Variants in HYDIN observed in about 807,000 individuals in gnomAD.
HYDIN encodes axonemal central pair apparatus protein HYDIN.
A neutral mutation model predicts 403.9 loss-of-function variants in HYDIN; 132 were observed. The observed-to-expected ratio is 0.33, with a 90% CI of 0.28 to 0.38. HYDIN has a LOEUF of 0.38. HYDIN is among the 10% of genes least tolerant of loss of function. The probability of loss-of-function intolerance (pLI) is 1.00; values close to 1 mark genes in which losing one functional copy is unlikely to be tolerated. For missense variants in HYDIN, 2,827 were observed against 5,009.5 expected, an observed-to-expected ratio of 0.56 and a Z score of 13.15; for synonymous variants, 1,202 against 1,891.7, an observed-to-expected ratio of 0.64 and a Z score of 9.46.
At chr16:70,848,262 T>C (rs868161015) in intron 75 of HYDIN, among the ~76,000 whole-genome samples, 1 of 149,836 alleles carries the variant, frequency 6.7e-6, no homozygotes, top group African/African-American at 2.5e-5. Context: ...TGGTGTCCTA[T>C]AGTTCTTTGA....
intron 25 of HYDIN, among the ~76,000 whole-genome samples, chr16:70,989,319 T>G (rs1006989273): frequency 1.1e-4 from 17 of 152,162 alleles, no homozygotes; most frequent in African/African-American, 4.1e-4. Context: ...GTTACAGGCG[T>G]GAACCACTGT....
At chr16:71,178,860 T>C in intron 4 of HYDIN, 68 bp downstream of exon 4, 3 of 1,325,846 alleles carry the variant, frequency 2.3e-6, no homozygotes, top group Middle Eastern at 3.8e-4. Flanking sequence ...TCCCTCAAGA[T>C]CTCATTTTAC....
intron 31 of HYDIN, 47 bp from the exon 32 acceptor site, chr16:70,974,717 C>G (rs2078838279): frequency 1.4e-6 from 1 of 740,674 alleles, no homozygotes; most frequent in South Asian, 1.9e-5. Context: ...ACCTGGAAGG[C>G]TACTTTTCCA....
intron 10 of HYDIN, among the ~76,000 whole-genome samples, chr16:71,094,579 C>G (rs1210709640): frequency 6.6e-6 from 1 of 152,166 alleles, no homozygotes; most frequent in African/African-American, 2.4e-5. Context: ...CTGAGATCTC[C>G]AGAAATTTTA....
chr16:71,139,277 G>T (rs56667773), intron 7 of HYDIN, among the ~76,000 whole-genome samples: 13,634 of 150,880 alleles, frequency 0.09, 1,976 homozygotes, highest in African/African-American at 0.31. Flanking sequence ...TCAATTTTTT[G>T]GGGGGGGAAA....
Position 71,016,440 on chromosome 16 carries a change from C to A in HYDIN, c.3644+1689G>T, listed in dbSNP as rs368959849. ...AGATATCACCTCATACCTGTTAGGA[C>A]GGCTGTTACTAAAGAAACAATAAAC... On this transcript the variant is annotated intron_variant, in intron 23 of 85. Transcript: ENST00000393567. 7.3e-5 allele frequency among the ~76,000 whole-genome samples: 11 copies of A among 151,584 alleles called. No individual in the cohort carries two copies. The East Asian group carries it at 1.2e-3, about 16-fold the overall frequency.
chr16:71,125,557 T>C lies in HYDIN; in HGVS notation c.1227+4083A>G, dbSNP rs560047433. Among the ~76,000 whole-genome samples the C allele has an allele frequency of 4.8e-4, 73 of 152,190 alleles. No individual in the cohort carries two copies. The East Asian group carries it at 0.013, about 26-fold the overall frequency. On this transcript the variant is annotated intron_variant, in intron 9 of 85. Coordinates refer to ENST00000393567, the MANE Select transcript of HYDIN (RefSeq NM_001270974.2). ...ATACCCTGTTTGTGTACAAGGCAAC[T>C]GAAGCCAAGGAAGATCAAATGGCTT...
intron 1 of HYDIN, among the ~76,000 whole-genome samples, chr16:71,227,780 T>C (rs2041104316): frequency 6.6e-6 from 1 of 152,196 alleles, no homozygotes; most frequent in Non-Finnish European, 1.5e-5. Context: ...AAGCTACCAA[T>C]GACTTTATTC....
At chr16:71,202,245 A>G (rs929530461) in intron 1 of HYDIN, among the ~76,000 whole-genome samples, 1 of 152,116 alleles carries the variant, frequency 6.6e-6, no homozygotes, top group Non-Finnish European at 1.5e-5. Flanking sequence ...TATACACACC[A>G]CTTAAGCTAA....
At chr16:70,888,307 A>G (rs543226582) in intron 58 of HYDIN, among the ~76,000 whole-genome samples, 32 of 152,234 alleles carry the variant, frequency 2.1e-4, no homozygotes, top group Non-Finnish European at 4.1e-4. Flanking sequence ...GTGTTATGCT[A>G]TGAGACTTGG....
At chr16:70,954,810 C>T (rs1242350467) in intron 40 of HYDIN, among the ~76,000 whole-genome samples, 1 of 152,194 alleles carries the variant, frequency 6.6e-6, no homozygotes, top group South Asian at 2.1e-4. Flanking sequence ...TTTCCTTGAA[C>T]ATAAAACTCA....
chr16:70,996,154 G>T (rs1360958853), intron 23 of HYDIN, among the ~76,000 whole-genome samples: 10 of 151,954 alleles, frequency 6.6e-5, no homozygotes, highest in Non-Finnish European at 1.3e-4. Context: ...AGGCAGAGGT[G>T]AGACTTCTGA....
intron 3 of HYDIN, among the ~76,000 whole-genome samples, chr16:71,183,931 A>G (rs1468229363): frequency 2.6e-5 from 4 of 152,156 alleles, no homozygotes; most frequent in Non-Finnish European, 4.4e-5. Flanking sequence ...AACTCCTCAT[A>G]GCCTGTTATG....
In HYDIN at chr16:71,020,308, T is replaced by C. The variant is rs1189504313; in HGVS notation, c.3196A>G (p.Ser1066Gly). The change falls in exon 22 of 86, where the codon AGT (serine) becomes GGT (glycine). Residue 1066 changes from serine to glycine, a missense_variant. Physicochemically the swap from Ser to Gly is moderately conservative, Grantham distance 56 (BLOSUM62 0). Coordinates refer to ENST00000393567, the MANE Select transcript of HYDIN (RefSeq NM_001270974.2). ...LIYRLEKKPN[S>G]ILKPDYQPLA... ...GGCTGGTAATCAGGTTTCAGGATAC[T>C]GTTAGGTTTCTGCAAAAACAGAAAA... is the stretch of plus-strand genomic sequence containing the variant. 3 of 1,612,850 alleles carry C rather than the reference T, an allele frequency of 1.9e-6. No homozygotes were observed. The highest frequency in any genetic ancestry group is 1.6e-4 in the Middle Eastern group (1 of 6,078).
chr16:71,115,253 T>C (rs1194232418), intron 10 of HYDIN, among the ~76,000 whole-genome samples: 1 of 152,180 alleles, frequency 6.6e-6, no homozygotes, highest in Admixed American at 6.5e-5. Context: ...TATAAGGGGC[T>C]CTTTCCTCCT....
intron 58 of HYDIN, among the ~76,000 whole-genome samples, chr16:70,887,690 CTT>C (rs201257084): frequency 7.1e-6 from 1 of 140,682 alleles, no homozygotes. Flanking sequence ...CTTTTCTTTT[CTT>C]TTTTTTTTTG....
intron 1 of HYDIN, among the ~76,000 whole-genome samples, chr16:71,225,237 C>T (rs1202853130): frequency 6.6e-6 from 1 of 152,154 alleles, no homozygotes; most frequent in Non-Finnish European, 1.5e-5. Context: ...TATCCAGTTG[C>T]AGGTTTTTCG....
At chr16:70,811,805 C>T (rs1040973132) in intron 84 of HYDIN, among the ~76,000 whole-genome samples, 4 of 149,460 alleles carry the variant, frequency 2.7e-5, no homozygotes, top group Admixed American at 6.7e-5. Context: ...TGTGGTGAGC[C>T]GAGATCACGC....
chr16:71,188,777 T>C lies in HYDIN; in HGVS notation c.-23-1859A>G, dbSNP rs1431981077. On this transcript the variant is annotated intron_variant, in intron 1 of 85. Coordinates refer to ENST00000393567, the MANE Select transcript of HYDIN (RefSeq NM_001270974.2). Reference sequence around the variant, plus strand: ...CACATTAAATAGGTTTAGGAATATGTATCAAACACTACATCCTAGTAATAG... The same window carrying C: ...CACATTAAATAGGTTTAGGAATATGCATCAAACACTACATCCTAGTAATAG... Among the ~76,000 whole-genome samples the C allele has an allele frequency of 2.0e-5, 3 of 152,196 alleles. No individual in the cohort carries two copies. In the East Asian group the frequency reaches 5.8e-4, roughly 29 times the overall value.
Sources: allele counts gnomAD v4.1 joint callset (sites outside exome capture counted in the v4.1 genomes callset), GRCh38; gene constraint gnomAD v4.1.1; transcripts MANE v1.5; gene names NCBI Gene and HGNC (gene_info 2026-07-23, HGNC 2026-07-21).